The following SCN10A variants were observed in gnomAD, a reference collection of about 807,000 sequenced individuals.
SCN10A encodes sodium channel protein type 10 subunit alpha.
In SCN10A, 162 loss-of-function variants were observed where a neutral mutation model predicts 170.7. The ratio of observed to expected loss-of-function variants is 0.95; its 90% CI spans 0.84 to 1.08. The LOEUF is 1.08. Among genes scored for constraint, SCN10A ranks in the 50% least tolerant of loss-of-function variants. The probability of loss-of-function intolerance (pLI) is 0.00; values close to 1 mark genes in which losing one functional copy is unlikely to be tolerated. For missense variants in SCN10A, 2,527 were observed against 2,436.9 expected (o/e 1.04, Z -0.78); for synonymous variants, 985 against 904.6 (o/e 1.09, Z -1.59).
intron 23 of SCN10A, 109 bp downstream of exon 23, chr3:38,712,052 G>A (rs565453934): frequency 6.6e-6 from 7 of 1,053,266 alleles, no homozygotes; most frequent in Non-Finnish European, 9.9e-6. Flanking sequence ...AGTTCACACT[G>A]AGTGCTACTC....
chr3:38,728,552 C>T lies in SCN10A; in HGVS notation c.2630G>A (p.Gly877Glu). The T allele has an allele frequency of 6.3e-7, 1 of 1,587,050 alleles. No individual in the cohort carries two copies. The highest frequency in any genetic ancestry group is 1.2e-5 in the South Asian group (1 of 86,288). The change falls in exon 16 of 28, where the codon GGG (glycine) becomes GAG (glutamate). Residue 877 changes from glycine (G) to glutamate (E), a missense_variant. By Grantham distance (98) the Gly-to-Glu change is moderately conservative. Transcript: ENST00000449082. ...LILFLTVMVLGNLVVLNLFIA... is the reference protein window; with the variant it reads ...LILFLTVMVLENLVVLNLFIA... The stretch of plus-strand genomic sequence containing the variant: ...GGGTTCACCACTCACCACCAGGTTC[C>T]CTAGCACCATCACCGTCAAGAAAAG...
At chr3:38,730,813 A>G (rs2063506795) in intron 15 of SCN10A, among the ~76,000 whole-genome samples, 1 of 152,224 alleles carries the variant, frequency 6.6e-6, no homozygotes, top group Non-Finnish European at 1.5e-5. Flanking sequence ...TAAATTATTC[A>G]GAATGTAACC....
chr3:38,811,989 C>A (rs906074109), intron 1 of SCN10A, among the ~76,000 whole-genome samples: 1 of 152,196 alleles, frequency 6.6e-6, no homozygotes, highest in Non-Finnish European at 1.5e-5. Context: ...ATGAGCCAGG[C>A]AACCAATCAA....
intron 5 of SCN10A, among the ~76,000 whole-genome samples, chr3:38,766,582 A>AACCC (rs1026581861): frequency 7.9e-5 from 12 of 152,114 alleles, no homozygotes; most frequent in African/African-American, 2.9e-4. Flanking sequence ...CCTGGTATGA[A>AACCC]ACCCCCTTGA....
chr3:38,798,999 T>C (rs990516312), intron 1 of SCN10A, among the ~76,000 whole-genome samples: 3 of 151,770 alleles, frequency 2.0e-5, no homozygotes, highest in African/African-American at 7.3e-5. Flanking sequence ...CCCAGGCTGG[T>C]CTCAAACTCC....
At chr3:38,780,115 CA>C (rs1383724871) in intron 4 of SCN10A, among the ~76,000 whole-genome samples, 1 of 151,848 alleles carries the variant, frequency 6.6e-6, no homozygotes, top group Non-Finnish European at 1.5e-5. Context: ...TCTATTCCTA[CA>C]ATGTTTTTAT....
At chr3:38,702,228 C>G in intron 26 of SCN10A, 119 bp from the exon 27 acceptor site, 1 of 1,043,038 alleles carries the variant, frequency 9.6e-7, no homozygotes, top group Non-Finnish European at 1.3e-6. Flanking sequence ...AAGCGAAATA[C>G]TATCCTTACC....
chr3:38,756,848 G>A lies in SCN10A; in HGVS notation c.1116C>T (p.Ile372=). The stretch of plus-strand genomic sequence containing the variant: ...TTACGAGCACAAAAAAGATCATATA[G>A]ATTTTCCCAGAAGTCCTCAGGGTCT... The part of the protein sequence containing the change: ...YQQTLRTSGK[I]YMIFFVLVIF... Residue 372 remains isoleucine, a synonymous_variant, in exon 10 of 28, where the codon ATC becomes ATT. Coordinates refer to ENST00000449082, the MANE Select transcript of SCN10A (RefSeq NM_006514.4). 6.2e-7 allele frequency: 1 copy of A among 1,614,166 alleles called. No homozygotes were observed. Among genetic ancestry groups the A allele is most frequent in the Middle Eastern group, 1.6e-4 (1 of 6,062 alleles).
Position 38,698,209 on chromosome 3 carries a change from G to T in SCN10A, c.5011C>A (p.Leu1671Ile), listed in dbSNP as rs1449527946. Residue 1671 changes from leucine to isoleucine, a missense_variant, in exon 28 of 28, where the codon CTC becomes ATC. Transcript: ENST00000449082. ...AGWDGLLSPI[L>I]NTGPPYCDPN... ...TCACAGTAGGGGGGCCCTGTGTTGA[G>T]GATGGGGCTGAGGAGGCCATCCCAG... 3.1e-6 allele frequency: 5 copies of T among 1,614,158 alleles called. No homozygotes were observed. The South Asian group carries it at 5.5e-5, about 18-fold the overall frequency.
intron 1 of SCN10A, among the ~76,000 whole-genome samples, chr3:38,803,713 G>A (rs1016034096): frequency 6.6e-6 from 1 of 151,658 alleles, no homozygotes; most frequent in Admixed American, 6.6e-5. Flanking sequence ...ACGAGTTAAT[G>A]GGTGCAGCAC....
intron 5 of SCN10A, among the ~76,000 whole-genome samples, chr3:38,764,755 G>C (rs1282643704): frequency 2.0e-5 from 3 of 152,120 alleles, no homozygotes; most frequent in Non-Finnish European, 4.4e-5. Flanking sequence ...TGGACCAAAT[G>C]GTAGTTCTAC....
chr3:38,788,802 G>A (rs2064242052), intron 4 of SCN10A, among the ~76,000 whole-genome samples, 154 bp downstream of exon 4: 1 of 152,120 alleles, frequency 6.6e-6, no homozygotes, highest in Non-Finnish European at 1.5e-5. Context: ...TCTCACAGAA[G>A]GAGAGACCTG....
chr3:38,717,441 G>C (rs1490837943), intron 21 of SCN10A, among the ~76,000 whole-genome samples: 3 of 152,208 alleles, frequency 2.0e-5, no homozygotes, highest in Non-Finnish European at 4.4e-5. Flanking sequence ...CAAAGGGGTG[G>C]GACACCGGAA....
rs888910216 is a variant in SCN10A at position 38,722,426 on chromosome 3, T to G, written c.3353-14A>C. On this transcript the variant is annotated splice_polypyrimidine_tract_variant and intron_variant, in intron 19 of 27. Coordinates refer to ENST00000449082, the MANE Select transcript of SCN10A (RefSeq NM_006514.4). ...GGCGAATGCATCCTGTGGGGAGAGG[T>G]GACTGATGGTGGGTGATGGCCAGTG... is the stretch of plus-strand genomic sequence containing the variant. 1.2e-6 allele frequency: 2 copies of G among 1,611,226 alleles called. No individual in the cohort carries two copies. Among genetic ancestry groups the G allele is most frequent in the African/African-American group, 2.7e-5 (2 of 74,846 alleles).
At chr3:38,725,753 A>G (rs2063447606) in intron 17 of SCN10A, among the ~76,000 whole-genome samples, 1 of 152,264 alleles carries the variant, frequency 6.6e-6, no homozygotes, top group Non-Finnish European at 1.5e-5. Flanking sequence ...GGAGCTCCCT[A>G]AGAGCCCCAA....
chr3:38,712,025 G>A, intron 23 of SCN10A, 136 bp downstream of exon 23: 2 of 796,972 alleles, frequency 2.5e-6, no homozygotes, highest in South Asian at 1.7e-5. Context: ...TAGTCTGTAG[G>A]AATAGAGAAT....
At chr3:38,755,727 T>C (rs2126026853) in intron 11 of SCN10A, 61 bp downstream of exon 11, 4 of 1,588,108 alleles carry the variant, frequency 2.5e-6, no homozygotes, top group Non-Finnish European at 3.5e-6. Context: ...CCACTCCAAC[T>C]CATTGTCTAC....
intron 15 of SCN10A, among the ~76,000 whole-genome samples, chr3:38,736,967 T>TTTTTTTTTTTTG: frequency 1.4e-5 from 1 of 71,208 alleles, no homozygotes; most frequent in Middle Eastern, 5.3e-3. Context: ...ATGTTCGTTT[T>TTTTTTTTTTTTG]TTTTTTTTTT....
Position 38,734,925 on chromosome 3 carries a change from CT to C in SCN10A, c.2280+4589del. Among the ~76,000 whole-genome samples the C allele has an allele frequency of 2.0e-5, 3 of 152,056 alleles. No homozygotes were observed. In the Middle Eastern group the frequency reaches 0.01, roughly 517 times the overall value. ...GTGGCTCATGCCTGTAATCCCAGCA[CT>C]TTAGGAGGCCAAGGCAGGCAGATCA... On this transcript the variant is annotated intron_variant, in intron 15 of 27. Coordinates refer to ENST00000449082, the MANE Select transcript of SCN10A (RefSeq NM_006514.4).
Sources: gnomAD v4.1 joint callset for allele counts (sites outside exome capture counted in the v4.1 genomes callset) on GRCh38, gnomAD v4.1.1 for gene constraint, MANE v1.5 for transcripts, NCBI Gene and HGNC (gene_info 2026-07-23, HGNC 2026-07-21) for gene names.